MPO: variants seen among roughly 807,000 people sequenced by gnomAD.
MPO encodes the protein myeloperoxidase.
A neutral mutation model predicts 69.4 loss-of-function variants in MPO; 57 were observed. The ratio of observed to expected loss-of-function variants is 0.82; its 90% CI spans 0.66 to 1.02. The LOEUF is 1.02. Ranked by LOEUF, MPO falls within the 50% of genes least tolerant of loss-of-function variation. The pLI is 0.00. For synonymous variants in MPO, 426 were observed against 417.1 expected, an observed-to-expected ratio of 1.02 and a Z score of -0.26; for missense variants, 971 against 1,014.1, an observed-to-expected ratio of 0.96 and a Z score of 0.58.
At chr17:58,278,429 T>C (rs1306503486) in intron 6 of MPO, among the ~76,000 whole-genome samples, 4 of 152,072 alleles carry the variant, frequency 2.6e-5, no homozygotes, top group African/African-American at 9.7e-5. Flanking sequence ...TCTCCCCTTC[T>C]CTCTGCTGTG....
rs2143984609 is a variant in MPO, at chr17:58,280,899, C to T, written c.-141G>A. 1.1e-6 allele frequency: 1 copy of T among 935,042 alleles called. No individual in the cohort carries two copies. The highest frequency in any genetic ancestry group is 2.6e-5 in the East Asian group (1 of 37,894). 57.9% of individuals were successfully genotyped at this position (935,042 alleles called of 1,614,324 possible). ...CTTGCCAGCTGCTGTCATCCAGCTTCCAAGGACCCCACCTCCACAGCTCAC... is the reference window on the plus strand; with the variant it reads ...CTTGCCAGCTGCTGTCATCCAGCTTTCAAGGACCCCACCTCCACAGCTCAC... On this transcript the variant is annotated 5_prime_UTR_variant, in exon 1 of 12. Coordinates refer to ENST00000225275, the MANE Select transcript of MPO (RefSeq NM_000250.2).
intron 3 of MPO, 22 bp from the exon 4 acceptor site, chr17:58,279,668 G>C (rs201384414): frequency 4.3e-5 from 69 of 1,614,042 alleles, no homozygotes; most frequent in Middle Eastern, 1.6e-4. Flanking sequence ...AAGAACAATG[G>C]GGGAGCTGAG....
At position 58,270,961 on chromosome 17, in the gene MPO, A is replaced by C. The variant is rs1264153453; in HGVS notation, c.2031-98T>G. ...TGCTCCCAGGATATAACAAAGCCAC[A>C]ACAAATGCCACCTGGAAGCACAGGA... On this transcript the variant is annotated intron_variant, in intron 11 of 11. Transcript: ENST00000225275. This position sits in a 1 kb window ranked among gnomAD's most constrained non-coding sequence, Gnocchi z 4.1. 7.3e-6 allele frequency: 10 copies of C among 1,364,532 alleles called. No homozygotes were observed. The highest frequency in any genetic ancestry group is 2.5e-4 in the Middle Eastern group (1 of 4,014). The allele number at this position is 1,364,532 out of a possible 1,614,324, so 84.5% of individuals were successfully genotyped here.
chr17:58,274,209 G>C (rs1344591010), intron 8 of MPO: 1 of 497,008 alleles, frequency 2.0e-6, no homozygotes, highest in East Asian at 5.6e-5. Flanking sequence ...CCTGTGAAAA[G>C]TGAAGACATG....
chr17:58,278,768 C>G (rs1970472289), intron 6 of MPO: 2 of 601,238 alleles, frequency 3.3e-6, no homozygotes, highest in Non-Finnish European at 5.9e-6. Context: ...GAACAACCCT[C>G]TCTCCCTTGG....
Position 58,279,022 on chromosome 17 carries a change from A to G in MPO, c.871T>C (p.Cys291Arg). Residue 291 changes from cysteine (C) to arginine (R), a missense_variant, in exon 6 of 12, where the codon TGC becomes CGC. Physicochemically the swap from Cys to Arg is radical, Grantham distance 180. Transcript: ENST00000225275. ...AGCAGGGCCACCTTGAGCGGGAAGCAGGGCGGCTGCTGAACGCAGCTGGTC... is the reference window on the plus strand; with the variant it reads ...AGCAGGGCCACCTTGAGCGGGAAGCGGGGCGGCTGCTGAACGCAGCTGGTC... ...CETSCVQQPPCFPLKIPPNDP... is the reference protein window; with the variant it reads ...CETSCVQQPPRFPLKIPPNDP... 5.0e-6 allele frequency: 8 copies of G among 1,610,466 alleles called. No homozygotes were observed. The highest frequency in any genetic ancestry group is 5.9e-6 in the Non-Finnish European group (7 of 1,179,180).
chr17:58,280,212 C>G, intron 2 of MPO, 154 bp downstream of exon 2: 1 of 1,015,716 alleles, frequency 9.8e-7, no homozygotes, highest in East Asian at 2.6e-5. Context: ...AAGCTGTTCT[C>G]CCATCCAGAA....
In MPO at chr17:58,275,143, A is replaced by G. The variant is rs913287805; in HGVS notation, c.1365+399T>C. Among the ~76,000 whole-genome samples, 2 of 152,248 alleles carry G rather than the reference A, an allele frequency of 1.3e-5. No homozygotes were observed. Among genetic ancestry groups the G allele is most frequent in the East Asian group, 3.9e-4 (2 of 5,150 alleles). On this transcript the variant is annotated intron_variant, in intron 8 of 11. Transcript: ENST00000225275. The surrounding 1 kb of genome is among the most constrained non-coding windows in gnomAD (Gnocchi z 4.1). ...CTCCCAAAGTGCTGGGATTACAGGC[A>G]TGAGCCACCGCGCCCAGCCCTATAA... is the stretch of plus-strand genomic sequence containing the variant.
chr17:58,280,857 C>A lies in MPO; in HGVS notation c.-99G>T. The A allele has an allele frequency of 7.0e-7, 1 of 1,430,296 alleles. No homozygotes were observed. Among genetic ancestry groups the A allele is most frequent in the South Asian group, 1.2e-5 (1 of 80,326 alleles). The allele number at this position is 1,430,296 out of a possible 1,614,324, so 88.6% of individuals were successfully genotyped here. A position where few individuals can be genotyped will look rare whatever the true frequency, so the allele number is the denominator to read the frequency against. On this transcript the variant is annotated 5_prime_UTR_variant, in exon 1 of 12. An upstream open reading frame in the 5' UTR loses its in-frame stop. Coordinates refer to ENST00000225275, the MANE Select transcript of MPO (RefSeq NM_000250.2). The stretch of plus-strand genomic sequence containing the variant: ...GCCAGACCTCCTTGAGGGAGGGGCT[C>A]ACTGCTCTCTTATCCCCTTGCCAGC...
rs1037212277 is a variant in MPO, at chr17:58,271,742, G to T, written c.1943C>A (p.Ser648Tyr). The T allele has an allele frequency of 2.0e-5, 33 of 1,613,890 alleles. No individual in the cohort carries two copies. The highest frequency in any genetic ancestry group is 2.8e-5 in the Non-Finnish European group (33 of 1,180,048). The change falls in exon 11 of 12, where the codon TCC becomes TAC. Residue 648 changes from serine to tyrosine, a missense_variant. Coordinates refer to ENST00000225275, the MANE Select transcript of MPO (RefSeq NM_000250.2). ...GCGGCCTTTGCGCTTCAGAGGCTCG[G>T]ACACGCCGCCCATCCAGATGTCGAT... The part of the protein sequence containing the change: ...NNIDIWMGGV[S>Y]EPLKRKGRVG...
rs1480634422 is a variant in MPO, at chr17:58,279,900, C to CACGT, written c.359_362dup (p.Ala122ArgfsTer22). Reference sequence around the variant, plus strand: ...GCTTCCTCTCCAGCAGGTCTAGAGCCACGTGCAGGTAGTCAGCGGCCCTCA... The same window carrying CACGT: ...GCTTCCTCTCCAGCAGGTCTAGAGCCACGTACGTGCAGGTAGTCAGCGGCCCTCA... On this transcript the variant is annotated frameshift_variant, in exon 3 of 12. Coordinates refer to ENST00000225275, the MANE Select transcript of MPO (RefSeq NM_000250.2). LOFTEE classifies it high-confidence loss of function. 6.2e-6 allele frequency: 10 copies of CACGT among 1,613,946 alleles called. No individual in the cohort carries two copies. The Admixed American group carries it at 1.7e-4, about 27-fold the overall frequency.
rs766594303 is a variant in MPO, at chr17:58,279,026, C to A, written c.867G>T (p.Pro289=). ...GGGCCACCTTGAGCGGGAAGCAGGGCGGCTGCTGAACGCAGCTGGTCTCGC... is the reference window on the plus strand; with the variant it reads ...GGGCCACCTTGAGCGGGAAGCAGGGAGGCTGCTGAACGCAGCTGGTCTCGC... ...VNCETSCVQQ[P]PCFPLKIPPN... The change falls in exon 6 of 12, where the codon CCG becomes CCT. Residue 289 remains proline, a synonymous_variant. Transcript: ENST00000225275. 2 of 1,610,510 alleles carry A rather than the reference C, an allele frequency of 1.2e-6. No individual in the cohort carries two copies. The highest frequency in any genetic ancestry group is 2.2e-5 in the East Asian group (1 of 44,840).
In MPO at chr17:58,280,709, G is replaced by A; in HGVS notation, c.50C>T (p.Pro17Leu). Reference sequence around the variant, plus strand: ...TGCAGTGAGACCCCCAGCCCAGCAAGGTCCTAAGTCCACCATGCATCTGAG... The same window carrying A: ...TGCAGTGAGACCCCCAGCCCAGCAAAGTCCTAAGTCCACCATGCATCTGAG... ...SSLRCMVDLG[P>L]CWAGGLTAEM... Residue 17 changes from proline (P) to leucine (L), a missense_variant, in exon 1 of 12, where the codon CCT (proline) becomes CTT (leucine). Physicochemically the swap from Pro to Leu is moderately conservative, Grantham distance 98. Coordinates refer to ENST00000225275, the MANE Select transcript of MPO (RefSeq NM_000250.2). 1 of 1,614,236 alleles carries A rather than the reference G, an allele frequency of 6.2e-7. No individual in the cohort carries two copies. The highest frequency in any genetic ancestry group is 1.1e-5 in the South Asian group (1 of 91,092).
At position 58,279,196 on chromosome 17, in the gene MPO, C is replaced by T. The variant is rs1170709372; in HGVS notation, c.697G>A (p.Glu233Lys). The stretch of plus-strand genomic sequence containing the variant: ...TGATCAGTGGGGAAGCGCACGATCT[C>T]GTTGGAGACCGCGCGAGCCTGCGGG... Reference protein sequence around the residue: ...PVALARAVSNEIVRFPTDQLT... With the variant: ...PVALARAVSNKIVRFPTDQLT... Residue 233 changes from glutamate (E) to lysine (K), a missense_variant, in exon 6 of 12, where the codon GAG becomes AAG. Physicochemically the swap from Glu to Lys is moderately conservative, Grantham distance 56 (BLOSUM62 1). Coordinates refer to ENST00000225275, the MANE Select transcript of MPO (RefSeq NM_000250.2). 1 of 1,605,786 alleles carries T rather than the reference C, an allele frequency of 6.2e-7. No individual in the cohort carries two copies. The highest frequency in any genetic ancestry group is 8.5e-7 in the Non-Finnish European group (1 of 1,176,466).
chr17:58,280,248 G>C, intron 2 of MPO, 118 bp downstream of exon 2: 1 of 1,093,518 alleles, frequency 9.1e-7, no homozygotes, highest in Non-Finnish European at 1.4e-6. Context: ...GACAGAAAGG[G>C]AGTCCACATG....
intron 5 of MPO, 21 bp downstream of exon 5, chr17:58,279,276 C>A: frequency 6.4e-7 from 1 of 1,562,314 alleles, no homozygotes; most frequent in East Asian, 2.4e-5. Context: ...GGCCTCGCCC[C>A]CTCTGCCCGC....
chr17:58,273,620 A>G lies in MPO; in HGVS notation c.1415T>C (p.Met472Thr), dbSNP rs756231547. Residue 472 changes from methionine to threonine, a missense_variant, in exon 9 of 12, where the codon ATG (methionine) becomes ACG (threonine). By Grantham distance (81) the Met-to-Thr change is moderately conservative (BLOSUM62 -1). Transcript: ENST00000225275. ...ACGGTACGTGGGCAGGTACTTCCTC[A>G]TGGCCGTTGGCCCCAGCACCAGGGG... Reference protein sequence around the residue: ...YLPLVLGPTAMRKYLPTYRSY... With the variant: ...YLPLVLGPTATRKYLPTYRSY... The G allele has an allele frequency of 1.9e-6, 3 of 1,614,214 alleles. No homozygotes were observed. Among genetic ancestry groups the G allele is most frequent in the Non-Finnish European group, 2.5e-6 (3 of 1,180,038 alleles).
intron 7 of MPO, among the ~76,000 whole-genome samples, chr17:58,276,722 C>T (rs1207451699): frequency 6.6e-6 from 1 of 152,114 alleles, no homozygotes; most frequent in Admixed American, 6.5e-5. Context: ...CCCAGGGTCC[C>T]AGCCAGGGAG....
Position 58,270,937 on chromosome 17 carries a change from G to T in MPO, c.2031-74C>A. ...GGCAGGGCATCGATGGGCTTGTGCT[G>T]CTCCCAGGATATAACAAAGCCACAA... On this transcript the variant is annotated intron_variant, in intron 11 of 11. Coordinates refer to ENST00000225275, the MANE Select transcript of MPO (RefSeq NM_000250.2). The surrounding 1 kb of genome is among the most constrained non-coding windows in gnomAD (Gnocchi z 4.1). 2.0e-6 allele frequency: 3 copies of T among 1,535,032 alleles called. No homozygotes were observed. The highest frequency in any genetic ancestry group is 2.7e-6 in the Non-Finnish European group (3 of 1,112,314).
Sources: gnomAD v4.1 joint callset for allele counts (sites outside exome capture counted in the v4.1 genomes callset) on GRCh38, gnomAD v4.1.1 for gene constraint, Gnocchi (gnomAD v3.1) non-coding constraint, MANE v1.5 for transcripts, NCBI Gene and HGNC (gene_info 2026-07-23, HGNC 2026-07-21) for gene names.